The following ADAM17 variants were observed in gnomAD, a reference collection of about 807,000 sequenced individuals.
ADAM17 encodes disintegrin and metalloproteinase domain-containing protein 17.
A neutral mutation model predicts 96.7 loss-of-function variants in ADAM17; 39 were observed. The observed-to-expected ratio is 0.40, with a 90% confidence interval of 0.31 to 0.53. The LOEUF (loss-of-function observed/expected upper bound fraction) is 0.53. Ranked by LOEUF, ADAM17 falls within the 20% of genes least tolerant of loss-of-function variation. ADAM17 has a pLI of 0.44. For synonymous variants in ADAM17, 344 were observed against 359.2 expected, an observed-to-expected ratio of 0.96 and a Z score of 0.48; for missense variants, 777 against 1,013.2, an observed-to-expected ratio of 0.77 and a Z score of 3.17.
intron 18 of ADAM17, 29 bp from the exon 19 acceptor site, chr2:9,490,547 T>TAGG: frequency 6.3e-7 from 1 of 1,589,146 alleles, no homozygotes; most frequent in Non-Finnish European, 8.6e-7. Flanking sequence ...AATTGATTGA[T>TAGG]AGGAATAAAA....
chr2:9,527,659 T>C (rs1419199373), intron 5 of ADAM17, 127 bp downstream of exon 5: 13 of 629,194 alleles, frequency 2.1e-5, no homozygotes, highest in Non-Finnish European at 3.1e-5. Context: ...AACAAACCTC[T>C]TATTTTCATG....
At chr2:9,543,351 G>C in intron 1 of ADAM17, 66 bp from the exon 2 acceptor site, 11 of 1,332,524 alleles carry the variant, frequency 8.3e-6, no homozygotes, top group Non-Finnish European at 8.9e-6. Context: ...TCGTTAAAAT[G>C]AGAGTGCCAG....
intron 1 of ADAM17, among the ~76,000 whole-genome samples, chr2:9,549,453 T>C (rs1457874293): frequency 6.6e-6 from 1 of 152,234 alleles, no homozygotes; most frequent in African/African-American, 2.4e-5. Context: ...GTGGTATGTA[T>C]ATAACCGTCC....
Position 9,491,159 on chromosome 2 carries a change from GA to G in ADAM17, c.2083-9del, listed in dbSNP as rs372459687. 7.8e-5 allele frequency: 125 copies of G among 1,611,338 alleles called. No individual in the cohort carries two copies. In the East Asian group the frequency reaches 1.9e-3, roughly 25 times the overall value. ...TTTATCCAATTTCTTATCCTAGAAA[GA>G]AACAGCAAGAAGGTCATTCCCTACA... On this transcript the variant is annotated splice_polypyrimidine_tract_variant and intron_variant, in intron 17 of 18. Transcript: ENST00000310823.
intron 4 of ADAM17, among the ~76,000 whole-genome samples, chr2:9,532,638 A>ATTTTTTTT (rs70948827): frequency 2.6e-5 from 3 of 114,284 alleles, no homozygotes; most frequent in African/African-American, 3.6e-5. Flanking sequence ...TGCCCAGCTA[A>ATTTTTTTT]TTTTTTTTTT....
At chr2:9,553,291 T>C (rs866144584) in intron 1 of ADAM17, among the ~76,000 whole-genome samples, 2 of 152,124 alleles carry the variant, frequency 1.3e-5, no homozygotes, top group Non-Finnish European at 2.9e-5. Flanking sequence ...TTCCCTATGC[T>C]ATAACCATTT....
chr2:9,554,699 G>A (rs115533629), intron 1 of ADAM17, among the ~76,000 whole-genome samples: 1 of 152,036 alleles, frequency 6.6e-6, no homozygotes, highest in African/African-American at 2.4e-5. Flanking sequence ...AAAAGTTCAC[G>A]CAAACTTACT....
chr2:9,537,362 G>A (rs1056032517), intron 2 of ADAM17, among the ~76,000 whole-genome samples: 1 of 152,154 alleles, frequency 6.6e-6, no homozygotes, highest in Non-Finnish European at 1.5e-5. Flanking sequence ...GTACTATGCT[G>A]TCTCTATCAA....
rs143260708 is a variant in ADAM17, at chr2:9,542,355, C to T, written c.230+798G>A. 1.1e-3 allele frequency among the ~76,000 whole-genome samples: 167 copies of T among 152,226 alleles called. 1 individual carries two copies. The East Asian group carries it at 0.02, about 18-fold the overall frequency. ...AGAAGTTCAAGATCAGCCTTGGCAA[C>T]ATGGCAAGACCCTGTTTTTAAAAAT... On this transcript the variant is annotated intron_variant, in intron 2 of 18. Coordinates refer to ENST00000310823, the MANE Select transcript of ADAM17 (RefSeq NM_003183.6).
intron 11 of ADAM17, among the ~76,000 whole-genome samples, chr2:9,507,723 C>A (rs1358243544): frequency 6.8e-6 from 1 of 146,542 alleles, no homozygotes; most frequent in Non-Finnish European, 1.5e-5. Context: ...TCTTTTTTTT[C>A]TTTTTCCTTT....
intron 5 of ADAM17, among the ~76,000 whole-genome samples, chr2:9,526,567 G>A (rs1185039355): frequency 6.6e-6 from 1 of 152,118 alleles, no homozygotes; most frequent in Non-Finnish European, 1.5e-5. Flanking sequence ...AGGCCAAGGT[G>A]GGTGAATCAC....
chr2:9,502,459 C>G (rs562404193), intron 12 of ADAM17, among the ~76,000 whole-genome samples, 183 bp from the exon 13 acceptor site: 1 of 152,282 alleles, frequency 6.6e-6, no homozygotes, highest in South Asian at 2.1e-4. Flanking sequence ...TTGTCCCTTC[C>G]TAATGTGCGT....
chr2:9,536,417 A>G (rs1024166594), intron 3 of ADAM17, among the ~76,000 whole-genome samples: 7 of 152,352 alleles, frequency 4.6e-5, no homozygotes, highest in Non-Finnish European at 7.3e-5. Context: ...AAGAAAGCTT[A>G]CAGTCACTGA....
chr2:9,505,459 T>C, intron 11 of ADAM17, 94 bp from the exon 12 acceptor site: 1 of 1,320,048 alleles, frequency 7.6e-7, no homozygotes, highest in Non-Finnish European at 1.1e-6. Context: ...AAACTCTTAA[T>C]GTAAAACCAC....
At chr2:9,516,920 G>T (rs1664087384) in intron 10 of ADAM17, among the ~76,000 whole-genome samples, 1 of 152,054 alleles carries the variant, frequency 6.6e-6, no homozygotes, top group Admixed American at 6.6e-5. Flanking sequence ...TGAGGCTAAG[G>T]GCAGCCACGG....
intron 10 of ADAM17, among the ~76,000 whole-genome samples, chr2:9,513,453 A>G (rs189277885): frequency 2.6e-5 from 4 of 152,320 alleles, no homozygotes; most frequent in African/African-American, 9.6e-5. Flanking sequence ...GGAGGCTCAG[A>G]CTTGTAACTG....
intron 2 of ADAM17, among the ~76,000 whole-genome samples, chr2:9,540,574 A>C (rs1665168521): frequency 6.6e-6 from 1 of 152,200 alleles, no homozygotes; most frequent in South Asian, 2.1e-4. Flanking sequence ...TCGAATAAAA[A>C]GAAGTCATTA....
rs1383533592 is a variant in ADAM17 at position 9,510,149 on chromosome 2, GA to G, written c.1192-19del. ...TCAGCTTCCTTAAGGATCATGCAAAGAAAACATTATTTCTCAATATCCAGCC... is the reference window on the plus strand; with the variant it reads ...TCAGCTTCCTTAAGGATCATGCAAAGAAACATTATTTCTCAATATCCAGCC... On this transcript the variant is annotated intron_variant, in intron 10 of 18. Transcript: ENST00000310823. 1.9e-6 allele frequency: 3 copies of G among 1,613,504 alleles called. No homozygotes were observed. Among genetic ancestry groups the G allele is most frequent in the Non-Finnish European group, 2.5e-6 (3 of 1,179,838 alleles).
intron 2 of ADAM17, among the ~76,000 whole-genome samples, chr2:9,538,499 C>T (rs927622930): frequency 6.6e-6 from 1 of 152,216 alleles, no homozygotes; most frequent in Non-Finnish European, 1.5e-5. Flanking sequence ...TATCTTCCCA[C>T]ACATTCTCAG....
Sources: allele counts gnomAD v4.1 joint callset (sites outside exome capture counted in the v4.1 genomes callset), GRCh38; gene constraint gnomAD v4.1.1; transcripts MANE v1.5; gene names NCBI Gene and HGNC (gene_info 2026-07-23, HGNC 2026-07-21).